Variants in PCSK2 observed in about 807,000 individuals in gnomAD.
PCSK2 encodes the protein neuroendocrine convertase 2.
PCSK2 carries 14 observed loss-of-function variants against 69.7 expected under a neutral mutation model. That is an observed-to-expected ratio of 0.20 (90% CI 0.13 to 0.31). PCSK2 has a LOEUF of 0.31. PCSK2 is among the 10% of genes least tolerant of loss of function. The pLI is 1.00. For synonymous variants in PCSK2, 307 were observed against 320.7 expected, an observed-to-expected ratio of 0.96 and a Z score of 0.46; for missense variants, 544 against 842.5, an observed-to-expected ratio of 0.65 and a Z score of 4.39.
chr20:17,304,716 A>T (rs1989272264), intron 2 of PCSK2, among the ~76,000 whole-genome samples: 1 of 152,168 alleles, frequency 6.6e-6, no homozygotes, highest in Admixed American at 6.5e-5. Flanking sequence ...TCAATTCTTA[A>T]TTGTGTGACC....
At chr20:17,261,144 A>G (rs971976593) in intron 2 of PCSK2, among the ~76,000 whole-genome samples, 1 of 152,100 alleles carries the variant, frequency 6.6e-6, no homozygotes, top group African/African-American at 2.4e-5. Context: ...CACTCATCCA[A>G]TTGGGTAGAT....
chr20:17,325,356 CA>C (rs1188166034), intron 2 of PCSK2, among the ~76,000 whole-genome samples: 1 of 152,176 alleles, frequency 6.6e-6, no homozygotes, highest in African/African-American at 2.4e-5. Flanking sequence ...TTGTAAATAG[CA>C]AAAGACATTG....
At chr20:17,471,976 C>T (rs949500139) in intron 11 of PCSK2, among the ~76,000 whole-genome samples, 10 of 152,290 alleles carry the variant, frequency 6.6e-5, no homozygotes, top group Admixed American at 5.9e-4. Flanking sequence ...ATTAATCTTC[C>T]CGGAGATGGA....
intron 1 of PCSK2, among the ~76,000 whole-genome samples, chr20:17,257,060 T>C (rs906632702): frequency 6.6e-6 from 1 of 152,014 alleles, no homozygotes; most frequent in African/African-American, 2.4e-5. Context: ...TTTGCTATTG[T>C]GGAACTTAAA....
intron 1 of PCSK2, among the ~76,000 whole-genome samples, chr20:17,251,542 G>A (rs147513509): frequency 3.6e-4 from 55 of 152,348 alleles, no homozygotes; most frequent in African/African-American, 1.2e-3. Flanking sequence ...TGTCCCTTGA[G>A]AGCCTTTATC....
intron 2 of PCSK2, among the ~76,000 whole-genome samples, chr20:17,268,062 T>TATATATATATATAA (rs1403191827): frequency 3.4e-4 from 50 of 146,730 alleles, no homozygotes; most frequent in African/African-American, 1.1e-3. Flanking sequence ...TATATATATA[T>TATATATATATATAA]AATGCATTTA....
intron 11 of PCSK2, among the ~76,000 whole-genome samples, chr20:17,471,171 C>T (rs2033194961): frequency 6.6e-6 from 1 of 152,148 alleles, no homozygotes; most frequent in African/African-American, 2.4e-5. Context: ...AGATGAACGG[C>T]AGTTTATCTC....
intron 6 of PCSK2, among the ~76,000 whole-genome samples, chr20:17,414,131 G>A (rs1262628933): frequency 1.3e-5 from 2 of 152,116 alleles, no homozygotes; most frequent in African/African-American, 2.4e-5. Flanking sequence ...AACTAGAGAA[G>A]CGACAGTGAA....
chr20:17,412,401 C>A (rs11699586), intron 6 of PCSK2, among the ~76,000 whole-genome samples: 1 of 151,904 alleles, frequency 6.6e-6, no homozygotes, highest in East Asian at 1.9e-4. Context: ...CTTCAATAGC[C>A]GATTTGATCA....
intron 6 of PCSK2, among the ~76,000 whole-genome samples, chr20:17,425,770 A>T (rs2032234987): frequency 6.6e-6 from 1 of 152,138 alleles, no homozygotes; most frequent in South Asian, 2.1e-4. Context: ...CATCTTTGGC[A>T]TAGGTTTCCA....
chr20:17,300,437 C>G (rs1465896924), intron 2 of PCSK2, among the ~76,000 whole-genome samples: 3 of 152,234 alleles, frequency 2.0e-5, no homozygotes, highest in African/African-American at 7.2e-5. Flanking sequence ...CCTTGCCCAG[C>G]CTATCTGCAT....
At chr20:17,367,036 G>A (rs1034948008) in intron 4 of PCSK2, among the ~76,000 whole-genome samples, 4 of 151,292 alleles carry the variant, frequency 2.6e-5, no homozygotes, top group African/African-American at 4.9e-5. Context: ...AGATAAGTTC[G>A]TTTGATCTAG....
At chr20:17,296,233 A>C (rs2123077063) in intron 2 of PCSK2, among the ~76,000 whole-genome samples, 1 of 152,344 alleles carries the variant, frequency 6.6e-6, no homozygotes, top group South Asian at 2.1e-4. Flanking sequence ...GCCTCTGAGC[A>C]GGACACAGGG....
At chr20:17,347,881 A>AG (rs1568612255) in intron 2 of PCSK2, among the ~76,000 whole-genome samples, 177 of 3,812 alleles carry the variant, frequency 0.046, 1 homozygote, top group Non-Finnish European at 0.062. Flanking sequence ...AAAAAGAAAG[A>AG]AAGAAAGAAA....
intron 2 of PCSK2, among the ~76,000 whole-genome samples, chr20:17,294,479 C>A (rs1988822184): frequency 6.6e-6 from 1 of 152,168 alleles, no homozygotes; most frequent in South Asian, 2.1e-4. Context: ...TAGTCTTCTG[C>A]TGGAATAACC....
rs985076422 is a variant in PCSK2, at chr20:17,227,068, C to T, written c.-238C>T. On this transcript the variant is annotated 5_prime_UTR_variant, in exon 1 of 12. Transcript: ENST00000262545. ...CTTTCTCTCCGGTACACACAGCTCCCCACATTCGCACCCCTGCCCGCGCGC... is the reference window on the plus strand; with the variant it reads ...CTTTCTCTCCGGTACACACAGCTCCTCACATTCGCACCCCTGCCCGCGCGC... The T allele has an allele frequency of 6.7e-5, 36 of 536,788 alleles. No homozygotes were observed. Among genetic ancestry groups the T allele is most frequent in the Non-Finnish European group, 1.7e-5 (5 of 302,986 alleles). 33.3% of individuals were successfully genotyped at this position (536,788 alleles called of 1,614,324 possible). A position where few individuals can be genotyped will look rare whatever the true frequency, so the allele number is the denominator to read the frequency against.
intron 2 of PCSK2, among the ~76,000 whole-genome samples, chr20:17,330,291 G>C (rs1302838665): frequency 6.6e-6 from 1 of 152,124 alleles, no homozygotes; most frequent in East Asian, 1.9e-4. Flanking sequence ...CTGTGAGATA[G>C]TATATCAACT....
intron 2 of PCSK2, among the ~76,000 whole-genome samples, chr20:17,357,900 A>G (rs1377628720): frequency 1.3e-5 from 2 of 152,072 alleles, no homozygotes; most frequent in Admixed American, 6.6e-5. Context: ...GTCTCAAAAA[A>G]AAAAAAAAAA....
At chr20:17,226,527 G>A (rs1379753934), upstream of PCSK2, 1 of 118,830 alleles carries the variant, frequency 8.4e-6, no homozygotes, top group Non-Finnish European at 1.7e-5. Flanking sequence ...GTTTGAGAGA[G>A]AGAGAAAGAG....
Sources: allele counts gnomAD v4.1 joint callset (sites outside exome capture counted in the v4.1 genomes callset), GRCh38; gene constraint gnomAD v4.1.1; transcripts MANE v1.5; gene names NCBI Gene and HGNC (gene_info 2026-07-23, HGNC 2026-07-21).